Variants in NXPH1 observed in about 807,000 individuals in gnomAD.
NXPH1 encodes the protein neurexophilin-1.
NXPH1 carries 5 observed loss-of-function variants against 23.7 expected under a neutral mutation model. That is an observed-to-expected ratio of 0.21 (90% CI 0.11 to 0.44). NXPH1 has a LOEUF of 0.44. Ranked by LOEUF, NXPH1 falls within the 20% of genes least tolerant of loss-of-function variation. NXPH1 has a pLI of 0.99. For synonymous variants in NXPH1, 144 were observed against 122.2 expected (o/e 1.18, Z -1.18); for missense variants, 324 against 321.6 (o/e 1.01, Z -0.06).
intron 2 of NXPH1, among the ~76,000 whole-genome samples, chr7:8,686,708 T>C (rs1202121253): frequency 6.6e-6 from 1 of 152,122 alleles, no homozygotes; most frequent in African/African-American, 2.4e-5. Context: ...TCTAATCTTG[T>C]TAAATTAGGG....
At chr7:8,541,509 A>C (rs1294220351) in intron 2 of NXPH1, among the ~76,000 whole-genome samples, 2 of 151,670 alleles carry the variant, frequency 1.3e-5, no homozygotes, top group East Asian at 3.9e-4. Flanking sequence ...AATATGAAGA[A>C]ATCTTCAACA....
intron 2 of NXPH1, among the ~76,000 whole-genome samples, chr7:8,608,019 A>G (rs1399606772): frequency 6.6e-6 from 1 of 152,214 alleles, no homozygotes; most frequent in Non-Finnish European, 1.5e-5. Flanking sequence ...ACCACCAGAA[A>G]CTGGGAGGAG....
At chr7:8,644,909 G>A (rs918952475) in intron 2 of NXPH1, among the ~76,000 whole-genome samples, 2 of 152,016 alleles carry the variant, frequency 1.3e-5, no homozygotes, top group African/African-American at 4.8e-5. Context: ...GTTTAGTTTT[G>A]CATATTTTGT....
intron 2 of NXPH1, among the ~76,000 whole-genome samples, chr7:8,674,741 G>A (rs183950597): frequency 6.6e-6 from 1 of 152,226 alleles, no homozygotes; most frequent in Non-Finnish European, 1.5e-5. Flanking sequence ...GACAATTTTG[G>A]TAAACCATGC....
intron 2 of NXPH1, among the ~76,000 whole-genome samples, chr7:8,706,583 T>C (rs1779710729): frequency 6.6e-6 from 1 of 152,204 alleles, no homozygotes; most frequent in South Asian, 2.1e-4. Flanking sequence ...CCATGTGGAA[T>C]AGAAGACCCA....
At chr7:8,653,302 A>G (rs915150262) in intron 2 of NXPH1, among the ~76,000 whole-genome samples, 2 of 152,166 alleles carry the variant, frequency 1.3e-5, no homozygotes, top group African/African-American at 2.4e-5. Flanking sequence ...TCTAAGCCTC[A>G]TAGACTACAT....
At chr7:8,577,117 C>T (rs1200848689) in intron 2 of NXPH1, among the ~76,000 whole-genome samples, 2 of 152,038 alleles carry the variant, frequency 1.3e-5, no homozygotes, top group African/African-American at 4.8e-5. Context: ...AAGCTCAAAT[C>T]CTCCCTGTAT....
At chr7:8,558,048 T>C (rs778350749) in intron 2 of NXPH1, among the ~76,000 whole-genome samples, 38 of 151,726 alleles carry the variant, frequency 2.5e-4, no homozygotes, top group Admixed American at 4.6e-4. Flanking sequence ...AGGCTTGTTA[T>C]TAAAATTTCT....
At chr7:8,588,257 C>G (rs1162728942) in intron 2 of NXPH1, among the ~76,000 whole-genome samples, 1 of 152,072 alleles carries the variant, frequency 6.6e-6, no homozygotes, top group Non-Finnish European at 1.5e-5. Flanking sequence ...GGTATATACC[C>G]AAAGGGTTAC....
intron 2 of NXPH1, among the ~76,000 whole-genome samples, chr7:8,677,561 C>T (rs539917212): frequency 6.6e-6 from 1 of 152,222 alleles, no homozygotes; most frequent in African/African-American, 2.4e-5. Context: ...TAGCACAAAA[C>T]CAGATGATCA....
At chr7:8,696,644 G>A (rs1194277309) in intron 2 of NXPH1, among the ~76,000 whole-genome samples, 1 of 152,100 alleles carries the variant, frequency 6.6e-6, no homozygotes, top group African/African-American at 2.4e-5. Flanking sequence ...TCTTAGGGCT[G>A]AAATGAGTGT....
intron 2 of NXPH1, among the ~76,000 whole-genome samples, chr7:8,501,268 T>C (rs1817427505): frequency 6.6e-6 from 1 of 152,064 alleles, no homozygotes; most frequent in South Asian, 2.1e-4. Flanking sequence ...AATGCAAACA[T>C]GAGAAACCGT....
chr7:8,725,657 G>A (rs1209910597), intron 2 of NXPH1, among the ~76,000 whole-genome samples: 2 of 152,122 alleles, frequency 1.3e-5, no homozygotes, highest in African/African-American at 4.8e-5. Flanking sequence ...TTGTTGAAAG[G>A]GTGAGAGGTC....
At chr7:8,697,667 T>A (rs1386015505) in intron 2 of NXPH1, among the ~76,000 whole-genome samples, 1 of 152,196 alleles carries the variant, frequency 6.6e-6, no homozygotes, top group East Asian at 1.9e-4. Flanking sequence ...AGGATCATGA[T>A]TTGAGGAGAA....
At chr7:8,737,345 G>C (rs191514004) in intron 2 of NXPH1, among the ~76,000 whole-genome samples, 1 of 152,164 alleles carries the variant, frequency 6.6e-6, no homozygotes, top group Non-Finnish European at 1.5e-5. Flanking sequence ...AGATATCTCA[G>C]CATTTGCTTG....
intron 2 of NXPH1, among the ~76,000 whole-genome samples, chr7:8,568,619 A>G (rs1327047567): frequency 6.7e-6 from 1 of 149,790 alleles, no homozygotes; most frequent in Non-Finnish European, 1.5e-5. Flanking sequence ...CCCTTACATA[A>G]TGCATAAAAG....
At chr7:8,686,986 A>G (rs1365740631) in intron 2 of NXPH1, among the ~76,000 whole-genome samples, 2 of 152,164 alleles carry the variant, frequency 1.3e-5, no homozygotes. Context: ...GTTTGGCAAG[A>G]TAGAATTTTC....
intron 2 of NXPH1, among the ~76,000 whole-genome samples, chr7:8,626,963 A>G (rs1820004804): frequency 6.6e-6 from 1 of 152,094 alleles, no homozygotes; most frequent in Non-Finnish European, 1.5e-5. Context: ...AAGGACAAAG[A>G]GCCTCTCTGG....
At chr7:8,471,759 C>T (rs943385778) in intron 2 of NXPH1, among the ~76,000 whole-genome samples, 1 of 152,124 alleles carries the variant, frequency 6.6e-6, no homozygotes, top group African/African-American at 2.4e-5. Flanking sequence ...TACGCTATTA[C>T]TCTTACATTT....
Sources: gnomAD v4.1 joint callset for allele counts (sites outside exome capture counted in the v4.1 genomes callset) on GRCh38, gnomAD v4.1.1 for gene constraint, MANE v1.5 for transcripts, NCBI Gene and HGNC (gene_info 2026-07-23, HGNC 2026-07-21) for gene names.